KIF26A: variants seen among roughly 807,000 people sequenced by gnomAD.
The protein encoded by KIF26A is kinesin-like protein KIF26A.
Under a neutral mutation model 126.0 loss-of-function variants are expected in KIF26A, and 74 were observed. The ratio of observed to expected loss-of-function variants is 0.59; its 90% confidence interval spans 0.49 to 0.71. The LOEUF is 0.71. KIF26A is among the 30% of genes least tolerant of loss of function. KIF26A has a pLI of 0.00. For synonymous variants in KIF26A, 1,445 were observed against 1,232.7 expected, an observed-to-expected ratio of 1.17 and a Z score of -3.61; for missense variants, 2,984 against 2,763.3, an observed-to-expected ratio of 1.08 and a Z score of -1.79.
intron 4 of KIF26A, among the ~76,000 whole-genome samples, chr14:104,163,333 C>T (rs2037850059): frequency 6.6e-6 from 1 of 152,200 alleles, no homozygotes. Flanking sequence ...CCAGCGTTCC[C>T]CTCTGCCCGG....
intron 2 of KIF26A, among the ~76,000 whole-genome samples, chr14:104,142,783 C>A (rs931194615): frequency 3.9e-5 from 6 of 152,240 alleles, no homozygotes; most frequent in Non-Finnish European, 1.5e-5. Context: ...CAAGCAGGAG[C>A]TCTGCCAGGT....
rs2037729692 is a variant in KIF26A at position 104,151,574 on chromosome 14, G to A, written c.289-441G>A. 6.6e-6 allele frequency among the ~76,000 whole-genome samples: 1 copy of A among 152,244 alleles called. No homozygotes were observed. The highest frequency in any genetic ancestry group is 1.5e-5 in the Non-Finnish European group (1 of 68,054). ...GGCTGGAGACCTGAAGAGGAAGGGA[G>A]AGGGTCTCCTGCCCCTGGCTCTGCC... On this transcript the variant is annotated intron_variant, in intron 2 of 14. Transcript: ENST00000423312. The surrounding 1 kb of genome is among the most constrained non-coding windows in gnomAD (Gnocchi z 4.9).
At chr14:104,164,763 G>A (rs1405685644) in intron 4 of KIF26A, among the ~76,000 whole-genome samples, 2 of 151,600 alleles carry the variant, frequency 1.3e-5, no homozygotes, top group Non-Finnish European at 2.9e-5. Flanking sequence ...GTGTGCGCGT[G>A]TCTGTGTGTG....
At chr14:104,157,691 G>A in intron 3 of KIF26A, 64 bp from the exon 4 acceptor site, 1 of 1,522,200 alleles carries the variant, frequency 6.6e-7, no homozygotes, top group Non-Finnish European at 8.9e-7. Context: ...CCCACTCCGG[G>A]TGCCAGGGGG....
At chr14:104,153,664 G>A (rs371275896) in intron 3 of KIF26A, among the ~76,000 whole-genome samples, 3 of 152,192 alleles carry the variant, frequency 2.0e-5, no homozygotes, top group African/African-American at 4.8e-5. Context: ...AGGGGTGGGC[G>A]GGGATGGTGC....
At chr14:104,174,004 C>T (rs2037988735) in intron 10 of KIF26A, 136 bp downstream of exon 10, 2 of 1,394,988 alleles carry the variant, frequency 1.4e-6, no homozygotes, top group East Asian at 2.5e-5. Flanking sequence ...ACAGGCCTCG[C>T]TGCCCGTGGG....
Position 104,175,270 on chromosome 14 carries a change from A to G in KIF26A, c.2482A>G (p.Lys828Glu), listed in dbSNP as rs764845062. Reference protein sequence around the residue: ...IPALSRHRPSKGPRDADHFRC... With the variant: ...IPALSRHRPSEGPRDADHFRC... Reference sequence around the variant, plus strand: ...TGCCCTGAGCCGCCACCGGCCCTCCAAGGGTCCCCGAGACGCAGACCACTT... The same window carrying G: ...TGCCCTGAGCCGCCACCGGCCCTCCGAGGGTCCCCGAGACGCAGACCACTT... Residue 828 changes from lysine to glutamate, a missense_variant, in exon 12 of 15, where the codon AAG (lysine) becomes GAG (glutamate). Lys to Glu is a moderately conservative substitution (Grantham distance 56, BLOSUM62 1). Coordinates refer to ENST00000423312, the MANE Select transcript of KIF26A (RefSeq NM_015656.2). The G allele has an allele frequency of 4.4e-6, 7 of 1,606,450 alleles. No homozygotes were observed. In the Admixed American group the frequency reaches 1.0e-4, roughly 23 times the overall value.
At chr14:104,157,431 T>C (rs796508377) in intron 3 of KIF26A, among the ~76,000 whole-genome samples, 13 of 152,202 alleles carry the variant, frequency 8.5e-5, no homozygotes, top group Admixed American at 2.6e-4. Flanking sequence ...TGGAGTTTGA[T>C]GGGGGAGAGG....
chr14:104,147,030 C>T (rs540940734), intron 2 of KIF26A, among the ~76,000 whole-genome samples: 62 of 152,180 alleles, frequency 4.1e-4, no homozygotes, highest in Admixed American at 1.8e-3. Context: ...GAGGCAGGGG[C>T]CTGATTTGAA....
intron 2 of KIF26A, among the ~76,000 whole-genome samples, chr14:104,140,487 C>T (rs756070033): frequency 2.6e-5 from 4 of 152,198 alleles, no homozygotes; most frequent in East Asian, 1.9e-4. Flanking sequence ...AGGGGAAACA[C>T]GCCAGAGACA....
At chr14:104,140,970 G>A (rs1307255754) in intron 2 of KIF26A, among the ~76,000 whole-genome samples, 1 of 152,178 alleles carries the variant, frequency 6.6e-6, no homozygotes, top group Non-Finnish European at 1.5e-5. Context: ...CCTGCAGGGT[G>A]CTGTGCCCCC....
chr14:104,163,242 G>A lies in KIF26A; in HGVS notation c.924-3617G>A, dbSNP rs990194598. Reference sequence around the variant, plus strand: ...GCCCTGCCTGCCTGCCTCTGGCCTCGCCCAGGCCCCTGCCCAGTCTCCCTG... The same window carrying A: ...GCCCTGCCTGCCTGCCTCTGGCCTCACCCAGGCCCCTGCCCAGTCTCCCTG... On this transcript the variant is annotated intron_variant, in intron 4 of 14. Transcript: ENST00000423312. 3.3e-5 allele frequency among the ~76,000 whole-genome samples: 5 copies of A among 152,218 alleles called. No homozygotes were observed. In the South Asian group the frequency reaches 8.3e-4, roughly 25 times the overall value.
At chr14:104,179,084 G>C (rs896207022) in intron 13 of KIF26A, among the ~76,000 whole-genome samples, 152 bp from the exon 14 acceptor site, 1 of 152,166 alleles carries the variant, frequency 6.6e-6, no homozygotes, top group East Asian at 1.9e-4. Flanking sequence ...TGGGTGGGCT[G>C]CCCCAGGTCC....
At chr14:104,144,954 G>C (rs2037667956) in intron 2 of KIF26A, among the ~76,000 whole-genome samples, 1 of 152,204 alleles carries the variant, frequency 6.6e-6, no homozygotes, top group Non-Finnish European at 1.5e-5. Context: ...GCTTTCCCTG[G>C]TTCCTGGTGG....
At chr14:104,165,965 C>T (rs996741453) in intron 4 of KIF26A, among the ~76,000 whole-genome samples, 1 of 152,174 alleles carries the variant, frequency 6.6e-6, no homozygotes, top group Non-Finnish European at 1.5e-5. Context: ...GTCAGCCTCT[C>T]CCCTGGAGGT....
At chr14:104,154,354 C>T (rs1042185176) in intron 3 of KIF26A, among the ~76,000 whole-genome samples, 5 of 152,142 alleles carry the variant, frequency 3.3e-5, no homozygotes, top group South Asian at 2.1e-4. Context: ...GGATGCTGAA[C>T]GTTACTGGGT....
rs572829162 is a variant in KIF26A, at chr14:104,175,991, C to T, written c.3203C>T (p.Ser1068Leu). ...DSDCSLRALA[S>L]GSRPVSIISS... is the part of the protein sequence containing the mutation. ...GACTGCTCCCTGCGGGCCCTGGCCT[C>T]GGGGTCCCGGCCAGTCAGCATCATC... The change falls in exon 12 of 15, where the codon TCG becomes TTG. Residue 1068 changes from serine to leucine, a missense_variant. Coordinates refer to ENST00000423312, the MANE Select transcript of KIF26A (RefSeq NM_015656.2). 5.1e-6 allele frequency: 8 copies of T among 1,580,998 alleles called. No homozygotes were observed. In the South Asian group the frequency reaches 5.7e-5, roughly 11 times the overall value.
Position 104,178,727 on chromosome 14 carries a change from G to T in KIF26A, c.5288G>T (p.Arg1763Leu). The T allele has an allele frequency of 6.5e-7, 1 of 1,550,018 alleles. No individual in the cohort carries two copies. Among genetic ancestry groups the T allele is most frequent in the Non-Finnish European group, 8.7e-7 (1 of 1,145,352 alleles). ...GACGTGGAGCGCCTTCAGCGGCCCC[G>T]CCCCACCCCGAGGGAGGCCCCCACC... ...IDDVERLQRPRPTPREAPTQG... is the reference protein window; with the variant it reads ...IDDVERLQRPLPTPREAPTQG... The change falls in exon 13 of 15, where the codon CGC becomes CTC. Residue 1763 changes from arginine (R) to leucine (L), a missense_variant. Coordinates refer to ENST00000423312, the MANE Select transcript of KIF26A (RefSeq NM_015656.2).
At chr14:104,145,371 TC>T (rs1453174676) in intron 2 of KIF26A, among the ~76,000 whole-genome samples, 3 of 152,222 alleles carry the variant, frequency 2.0e-5, no homozygotes, top group Non-Finnish European at 4.4e-5. Context: ...CCGTGGAGAC[TC>T]CCCAGCCCAC....
Sources: allele counts gnomAD v4.1 joint callset (sites outside exome capture counted in the v4.1 genomes callset), GRCh38; gene constraint gnomAD v4.1.1; non-coding constraint Gnocchi (gnomAD v3.1); transcripts MANE v1.5; gene names NCBI Gene and HGNC (gene_info 2026-07-23, HGNC 2026-07-21).